PRLR: variants seen among roughly 807,000 people sequenced by gnomAD.
PRLR encodes the protein hPRL receptor.
Under a neutral mutation model 40.2 loss-of-function variants are expected in PRLR, and 13 were observed. That is an observed-to-expected ratio of 0.32 (90% CI 0.21 to 0.51). The LOEUF is 0.51. PRLR is among the 20% of genes least tolerant of loss of function. The pLI, the probability that PRLR is intolerant of heterozygous loss-of-function variation, is 0.97. For missense variants in PRLR, 656 were observed against 747.3 expected (o/e 0.88, Z 1.42); for synonymous variants, 269 against 278.7 (o/e 0.97, Z 0.35).
chr5:35,158,188 C>T (rs1239484774), intron 1 of PRLR, among the ~76,000 whole-genome samples: 1 of 152,182 alleles, frequency 6.6e-6, no homozygotes, highest in Non-Finnish European at 1.5e-5. Flanking sequence ...ACCACGAGCA[C>T]CCTGGGCAGG....
chr5:35,114,358 T>C (rs113162145), intron 2 of PRLR, among the ~76,000 whole-genome samples: 1,777 of 152,298 alleles, frequency 0.012, 30 homozygotes, highest in African/African-American at 0.041. Context: ...CTCAGTCAAC[T>C]GTTGTGAGGA....
Position 35,177,346 on chromosome 5 carries a change from C to T in PRLR, c.-106+52922G>A, listed in dbSNP as rs554538147. ...CCCACAGGTGTGGAGGGGCAACCCA[C>T]CCCTACACAGTTCAGTGGTTTTTGG... On this transcript the variant is annotated intron_variant, in intron 1 of 9. Transcript: ENST00000618457. Among the ~76,000 whole-genome samples, 3 of 152,294 alleles carry T rather than the reference C, an allele frequency of 2.0e-5. No homozygotes were observed. The South Asian group carries it at 6.2e-4, about 32-fold the overall frequency.
At chr5:35,183,124 G>A (rs79823771) in intron 1 of PRLR, among the ~76,000 whole-genome samples, 1,769 of 152,258 alleles carry the variant, frequency 0.012, 32 homozygotes, top group African/African-American at 0.041. Flanking sequence ...CATCAAATGC[G>A]GAGTAGGCAC....
Position 35,057,150 on chromosome 5 carries a change from C to T in PRLR, c.*7939G>A, listed in dbSNP as rs1228719170. The T allele has an allele frequency of 2.6e-5, 4 of 152,130 alleles. No individual in the cohort carries two copies. The highest frequency in any genetic ancestry group is 9.7e-5 in the African/African-American group (4 of 41,432). 9.4% of individuals were successfully genotyped at this position (152,130 alleles called of 1,614,324 possible). On this transcript the variant is annotated 3_prime_UTR_variant, in exon 10 of 10. Transcript: ENST00000618457. ...TTTAAATAAGCTTCTCTTATTGGATCTCCTTGTATCTGGTTCCATCTCCCC... is the reference window on the plus strand; with the variant it reads ...TTTAAATAAGCTTCTCTTATTGGATTTCCTTGTATCTGGTTCCATCTCCCC...
At chr5:35,093,418 C>A (rs1422635735) in intron 2 of PRLR, among the ~76,000 whole-genome samples, 1 of 152,228 alleles carries the variant, frequency 6.6e-6, no homozygotes, top group Non-Finnish European at 1.5e-5. Context: ...GCAATCTCAG[C>A]CCTACCATTC....
At position 35,063,229 on chromosome 5, in the gene PRLR, A is replaced by T. The variant is rs886593453; in HGVS notation, c.*1860T>A. 2.6e-5 allele frequency: 4 copies of T among 152,210 alleles called. No homozygotes were observed. The highest frequency in any genetic ancestry group is 4.4e-5 in the Non-Finnish European group (3 of 68,032). 9.4% of individuals were successfully genotyped at this position (152,210 alleles called of 1,614,324 possible). A position where few individuals can be genotyped will look rare whatever the true frequency, so the allele number is the denominator to read the frequency against. The stretch of plus-strand genomic sequence containing the variant: ...ATATATTAGAAAAATGGAGCTTCGT[A>T]TCTATTGCTTTTGCCATTCTCAAAA... On this transcript the variant is annotated 3_prime_UTR_variant, in exon 10 of 10. Coordinates refer to ENST00000618457, the MANE Select transcript of PRLR (RefSeq NM_000949.7).
At chr5:35,168,296 T>A (rs1421188407) in intron 1 of PRLR, among the ~76,000 whole-genome samples, 1 of 151,848 alleles carries the variant, frequency 6.6e-6, no homozygotes, top group Non-Finnish European at 1.5e-5. Flanking sequence ...TGATTAAACA[T>A]GAAAATAAAA....
intron 1 of PRLR, among the ~76,000 whole-genome samples, chr5:35,197,910 C>G (rs1461689001): frequency 6.6e-6 from 1 of 152,226 alleles, no homozygotes; most frequent in Non-Finnish European, 1.5e-5. Context: ...GTAAGACTGG[C>G]AAGCCCAAGG....
chr5:35,116,216 T>C (rs1006518194), intron 2 of PRLR, among the ~76,000 whole-genome samples: 2 of 152,154 alleles, frequency 1.3e-5, no homozygotes, highest in African/African-American at 4.8e-5. Flanking sequence ...GTACAAACCC[T>C]AGGGCTTTGG....
intron 1 of PRLR, among the ~76,000 whole-genome samples, chr5:35,173,233 G>A (rs1407093451): frequency 6.6e-6 from 1 of 152,208 alleles, no homozygotes; most frequent in African/African-American, 2.4e-5. Context: ...CCACATACAT[G>A]TTGGCTGATA....
At chr5:35,179,981 G>A (rs1256806751) in intron 1 of PRLR, among the ~76,000 whole-genome samples, 2 of 152,248 alleles carry the variant, frequency 1.3e-5, no homozygotes, top group Non-Finnish European at 2.9e-5. Context: ...TCACCATAAT[G>A]TAAAATCAGT....
chr5:35,167,999 G>T (rs928496859), intron 1 of PRLR, among the ~76,000 whole-genome samples: 5 of 151,776 alleles, frequency 3.3e-5, no homozygotes, highest in South Asian at 2.1e-4. Context: ...GACCAAGAAG[G>T]TTGAAAATAA....
At chr5:35,192,613 C>T (rs148384428) in intron 1 of PRLR, among the ~76,000 whole-genome samples, 10 of 152,372 alleles carry the variant, frequency 6.6e-5, no homozygotes, top group Non-Finnish European at 1.0e-4. Context: ...TTTCTCTCCA[C>T]TACTACCAAA....
chr5:35,095,703 T>C (rs1451717480), intron 2 of PRLR, among the ~76,000 whole-genome samples: 2 of 152,210 alleles, frequency 1.3e-5, no homozygotes, highest in Non-Finnish European at 2.9e-5. Context: ...TTCATTATTA[T>C]TTTTTTATCA....
At chr5:35,161,616 GA>G (rs1320100210) in intron 1 of PRLR, among the ~76,000 whole-genome samples, 1 of 152,202 alleles carries the variant, frequency 6.6e-6, no homozygotes, top group African/African-American at 2.4e-5. Context: ...ACTTTGTCTT[GA>G]AAATATCTGA....
At chr5:35,159,240 G>A (rs566706842) in intron 1 of PRLR, among the ~76,000 whole-genome samples, 74 of 150,646 alleles carry the variant, frequency 4.9e-4, no homozygotes, top group African/African-American at 1.3e-3. Context: ...ACAATTTTTG[G>A]CATCCTTCGG....
intron 1 of PRLR, among the ~76,000 whole-genome samples, chr5:35,224,056 T>G (rs1374866842): frequency 1.3e-5 from 2 of 152,216 alleles, no homozygotes; most frequent in South Asian, 4.1e-4. Flanking sequence ...ACAAGAGGCC[T>G]GCAGGAAACC....
At chr5:35,183,056 A>G (rs186582868) in intron 1 of PRLR, among the ~76,000 whole-genome samples, 1 of 152,328 alleles carries the variant, frequency 6.6e-6, no homozygotes, top group African/African-American at 2.4e-5. Flanking sequence ...CACCCAAGGA[A>G]AAGAATTCCC....
Position 35,143,144 on chromosome 5 carries a change from C to A in PRLR, c.-105-25022G>T, listed in dbSNP as rs180876388. On this transcript the variant is annotated intron_variant, in intron 1 of 9. Coordinates refer to ENST00000618457, the MANE Select transcript of PRLR (RefSeq NM_000949.7). ...ATAAGGAATTTAGAGCCAGAGTCGG[C>A]AAACTTTTTCTATAAAGGGCAAGAT... 5.1e-3 allele frequency among the ~76,000 whole-genome samples: 784 copies of A among 152,308 alleles called. 6 individuals are homozygous for A. Among genetic ancestry groups the A allele is most frequent in the African/African-American group, 0.018 (734 of 41,570 alleles).
Sources: allele counts gnomAD v4.1 joint callset (sites outside exome capture counted in the v4.1 genomes callset), GRCh38; gene constraint gnomAD v4.1.1; transcripts MANE v1.5; gene names NCBI Gene and HGNC (gene_info 2026-07-23, HGNC 2026-07-21).